Variants in IFT172 observed in about 807,000 individuals in gnomAD.
IFT172 encodes the protein intraflagellar transport protein 172 homolog.
IFT172 carries 164 observed loss-of-function variants against 248.9 expected under a neutral mutation model. The ratio of observed to expected loss-of-function variants is 0.66; its 90% CI spans 0.58 to 0.75. IFT172 has a LOEUF of 0.75. Ranked by LOEUF, IFT172 falls within the 30% of genes least tolerant of loss-of-function variation. The pLI is 0.00. For synonymous variants in IFT172, 729 were observed against 791.6 expected (o/e 0.92, Z 1.33); for missense variants, 1,950 against 2,192.4 (o/e 0.89, Z 2.21).
intron 15 of IFT172, chr2:27,472,040 A>G (rs1667610347): frequency 1.9e-5 from 2 of 105,194 alleles, no homozygotes; most frequent in Non-Finnish European, 3.3e-5. Flanking sequence ...ACTGTCTCCA[A>G]AAAAAAAAAA....
At chr2:27,446,725 C>A (rs1665150868) in intron 42 of IFT172, among the ~76,000 whole-genome samples, 1 of 122,030 alleles carries the variant, frequency 8.2e-6, no homozygotes, top group Non-Finnish European at 1.6e-5. Context: ...CGGAGTCTCG[C>A]TCTGTCGCCC....
chr2:27,447,787 C>T (rs375105942), intron 41 of IFT172, 25 bp downstream of exon 41: 65 of 1,589,918 alleles, frequency 4.1e-5, no homozygotes, highest in Non-Finnish European at 4.9e-5. Context: ...CAAGGACAGA[C>T]GGAGCAGCCC....
At chr2:27,466,311 A>G (rs1334140161) in intron 16 of IFT172, among the ~76,000 whole-genome samples, 1 of 152,226 alleles carries the variant, frequency 6.6e-6, no homozygotes, top group African/African-American at 2.4e-5. Context: ...AAAAAGGTCA[A>G]TAAGCTAAAT....
Position 27,461,424 on chromosome 2 carries a change from G to A in IFT172, c.2287C>T (p.Gln763Ter). 1 of 1,614,144 alleles carries A rather than the reference G, an allele frequency of 6.2e-7. No individual in the cohort carries two copies. The highest frequency in any genetic ancestry group is 1.3e-5 in the African/African-American group (1 of 75,030). ...EERAGELQESQGDGLAAISLY... is the reference protein window; with the variant it reads ...EERAGELQES The stretch of plus-strand genomic sequence containing the variant: ...CTGATGGCTGCTAGCCCATCCCCTT[G>A]GCTCTCCTGTAGTTCACCTGCTCGC... The change falls in exon 22 of 48, where the codon CAA becomes TAA. Residue 763 changes from glutamine (Q) to a stop codon, truncating the protein, a stop_gained. Transcript: ENST00000260570. LOFTEE classifies it high-confidence loss of function.
rs1213239085 is a variant in IFT172, at chr2:27,454,681, A to G, written c.3372-21T>C. ...AGGAGCTGAAACAGAAAGTGCAGAT[A>G]AAGTTTTCTTGCTTCATGCTTCCCT... is the stretch of plus-strand genomic sequence containing the variant. On this transcript the variant is annotated intron_variant, in intron 30 of 47. Coordinates refer to ENST00000260570, the MANE Select transcript of IFT172 (RefSeq NM_015662.3). The surrounding 1 kb of genome is among the most constrained non-coding windows in gnomAD (Gnocchi z 4.2). 1.9e-6 allele frequency: 3 copies of G among 1,608,700 alleles called. No homozygotes were observed. The highest frequency in any genetic ancestry group is 2.2e-5 in the East Asian group (1 of 44,876).
chr2:27,486,802 TC>T, intron 1 of IFT172, among the ~76,000 whole-genome samples: 1 of 152,350 alleles, frequency 6.6e-6, no homozygotes, highest in Admixed American at 6.5e-5. Flanking sequence ...AAGGAGGATT[TC>T]ATTTCCAATT....
intron 11 of IFT172, 77 bp downstream of exon 11, chr2:27,477,918 C>T: frequency 6.4e-7 from 1 of 1,564,496 alleles, no homozygotes; most frequent in Non-Finnish European, 8.7e-7. Context: ...AGAGCTTACC[C>T]CTAGGGATTT....
At chr2:27,463,773 C>T (rs914441705) in intron 18 of IFT172, among the ~76,000 whole-genome samples, 1 of 152,024 alleles carries the variant, frequency 6.6e-6, no homozygotes, top group Non-Finnish European at 1.5e-5. Context: ...AAAAGTTATT[C>T]CTGGAGAGCG....
chr2:27,462,766 C>T lies in IFT172; in HGVS notation c.2050G>A (p.Val684Ile), dbSNP rs1400020833. The change falls in exon 20 of 48, where the codon GTC becomes ATC. Residue 684 changes from valine (V) to isoleucine (I), a missense_variant. Transcript: ENST00000260570. ...YGGEGTDFYQ[V>I]RARLAMLEKN... is the part of the protein sequence containing the mutation. ...TCCAGCATGGCTAGACGTGCTCGGA[C>T]CTGATAAAAGTCTGTTCCTTCTCCG... 14 of 1,614,096 alleles carry T rather than the reference C, an allele frequency of 8.7e-6. No individual in the cohort carries two copies. Among genetic ancestry groups the T allele is most frequent in the Non-Finnish European group, 1.0e-5 (12 of 1,180,000 alleles).
At chr2:27,472,423 A>T in intron 14 of IFT172, 61 bp from the exon 15 acceptor site, 1 of 1,323,510 alleles carries the variant, frequency 7.6e-7, no homozygotes, top group Non-Finnish European at 1.1e-6. Flanking sequence ...TAGTATGGCC[A>T]ACACACATAA....
intron 16 of IFT172, among the ~76,000 whole-genome samples, chr2:27,469,515 TA>T (rs1248449432): frequency 6.6e-6 from 1 of 151,918 alleles, no homozygotes; most frequent in Admixed American, 6.6e-5. Flanking sequence ...ACCTTGATGG[TA>T]AATCTAAATG....
At chr2:27,485,949 T>C (rs1668743061) in intron 1 of IFT172, among the ~76,000 whole-genome samples, 1 of 152,174 alleles carries the variant, frequency 6.6e-6, no homozygotes. Flanking sequence ...AATAAGATGG[T>C]GCAAAATAGA....
intron 29 of IFT172, among the ~76,000 whole-genome samples, 185 bp downstream of exon 29, chr2:27,457,454 C>T (rs1001819149): frequency 1.3e-5 from 2 of 152,168 alleles, no homozygotes; most frequent in Middle Eastern, 3.4e-3. Flanking sequence ...ACCTATAGTC[C>T]CAGCTACTCA....
chr2:27,481,136 A>G lies in IFT172; in HGVS notation c.695T>C (p.Phe232Ser). 1 of 1,613,972 alleles carries G rather than the reference A, an allele frequency of 6.2e-7. No individual in the cohort carries two copies. Among genetic ancestry groups the G allele is most frequent in the Non-Finnish European group, 8.5e-7 (1 of 1,179,994 alleles). The change falls in exon 8 of 48, where the codon TTT (phenylalanine) becomes TCT (serine). Residue 232 changes from phenylalanine (F) to serine (S), a missense_variant. Phe to Ser is a radical substitution (Grantham distance 155, BLOSUM62 -2). Around this residue, in one of 3 missense-constraint regions of IFT172, gnomAD observed 1,166 missense variants for 1,254.1 expected, o/e 0.93. Transcript: ENST00000260570. ...CTCCTGAGGGTCACGGCTATAATCAAAAGTTTGTAGCATGTGACCTTCTTT... is the reference window on the plus strand; with the variant it reads ...CTCCTGAGGGTCACGGCTATAATCAGAAGTTTGTAGCATGTGACCTTCTTT... ...YGKEGHMLQT[F>S]DYSRDPQERE...
chr2:27,453,251 A>C (rs1387206408), intron 35 of IFT172, 133 bp downstream of exon 35: 4 of 1,171,722 alleles, frequency 3.4e-6, no homozygotes. Context: ...TCCAGCAGGC[A>C]CTCCATAGAT....
At chr2:27,470,726 A>G in intron 16 of IFT172, 1 of 455,124 alleles carries the variant, frequency 2.2e-6, no homozygotes, top group Non-Finnish European at 3.7e-6. Context: ...ATGAACCCAT[A>G]CTCCAAGGGT....
rs994624984 is a variant in IFT172, at chr2:27,457,971, T to C, written c.2981A>G (p.Tyr994Cys). 6 of 1,614,042 alleles carry C rather than the reference T, an allele frequency of 3.7e-6. No homozygotes were observed. The African/African-American group carries it at 6.7e-5, about 18-fold the overall frequency. The change falls in exon 28 of 48, where the codon TAT becomes TGT. Residue 994 changes from tyrosine (Y) to cysteine (C), a missense_variant. By Grantham distance (194) the Tyr-to-Cys change is radical (BLOSUM62 -2). This residue lies in a region of IFT172 where 1,166 missense variants were observed against 1,254.1 expected (regional missense o/e 0.93). Coordinates refer to ENST00000260570, the MANE Select transcript of IFT172 (RefSeq NM_015662.3). ...AAGATCAGGCTCTTGTACTGTCACA[T>C]ATAGCCTGGGGAAGGAGATACATCT... is the stretch of plus-strand genomic sequence containing the variant. The part of the protein sequence containing the change: ...QGKYREAERL[Y>C]VTVQEPDLAI...
rs770845233 is a variant in IFT172 at position 27,449,390 on chromosome 2, T to C, written c.4225-10A>G. ...CATCCACACCCACCAGCTGGGTCAA[T>C]GGAAGACAGAGTTACAAGAGAAAAG... On this transcript the variant is annotated splice_polypyrimidine_tract_variant and intron_variant, in intron 38 of 47. Coordinates refer to ENST00000260570, the MANE Select transcript of IFT172 (RefSeq NM_015662.3). 35 of 1,614,090 alleles carry C rather than the reference T, an allele frequency of 2.2e-5. 1 individual carries two copies. The South Asian group carries it at 3.1e-4, about 14-fold the overall frequency.
chr2:27,485,233 G>T (rs1668671674), intron 2 of IFT172, 103 bp from the exon 3 acceptor site: 1 of 1,496,498 alleles, frequency 6.7e-7, no homozygotes, highest in Non-Finnish European at 9.2e-7. Flanking sequence ...GGAGCTTGAG[G>T]ATTTATACTG....
Sources: allele counts gnomAD v4.1 joint callset (sites outside exome capture counted in the v4.1 genomes callset), GRCh38; gene constraint gnomAD v4.1.1; regional missense constraint gnomAD v4.1.1; non-coding constraint Gnocchi (gnomAD v3.1); transcripts MANE v1.5; gene names NCBI Gene and HGNC (gene_info 2026-07-23, HGNC 2026-07-21).